SIGLEC9: variants seen among roughly 807,000 people sequenced by gnomAD.
The protein encoded by SIGLEC9 is sialic acid-binding Ig-like lectin 9.
SIGLEC9 carries 26 observed loss-of-function variants against 38.3 expected under a neutral mutation model. The ratio of observed to expected loss-of-function variants is 0.68; its 90% CI spans 0.50 to 0.94. The LOEUF (loss-of-function observed/expected upper bound fraction) is 0.94, where lower values mean the gene tolerates loss of function less well. Ranked by LOEUF, SIGLEC9 falls within the 40% of genes least tolerant of loss-of-function variation. The pLI is 0.00. For synonymous variants in SIGLEC9, 236 were observed against 248.0 expected (o/e 0.95, Z 0.45); for missense variants, 556 against 585.7 (o/e 0.95, Z 0.52).
In SIGLEC9 at chr19:51,127,102, T is replaced by C; in HGVS notation, c.821T>C (p.Val274Ala). 2 of 1,614,232 alleles carry C rather than the reference T, an allele frequency of 1.2e-6. No homozygotes were observed. Among genetic ancestry groups the C allele is most frequent in the Non-Finnish European group, 8.5e-7 (1 of 1,180,036 alleles). Residue 274 changes from valine to alanine, a missense_variant, in exon 4 of 7, where the codon GTT (valine) becomes GCT (alanine). Coordinates refer to ENST00000250360, the MANE Select transcript of SIGLEC9 (RefSeq NM_014441.3). ...EGQSLRLVCA[V>A]DAVDSNPPAR... ...CAGTCTCTGCGCCTGGTCTGTGCAGTTGATGCAGTTGACAGCAATCCCCCT... is the reference window on the plus strand; with the variant it reads ...CAGTCTCTGCGCCTGGTCTGTGCAGCTGATGCAGTTGACAGCAATCCCCCT...
rs1051277757 is a variant in SIGLEC9 at position 51,125,529 on chromosome 19, C to G, written c.422-68C>G. The stretch of plus-strand genomic sequence containing the variant: ...GCTCAGGGCAGGAGCTGGACCAGAG[C>G]CTGAGCTCCCCCCAGGGCTGCACCA... On this transcript the variant is annotated intron_variant, in intron 1 of 6. Coordinates refer to ENST00000250360, the MANE Select transcript of SIGLEC9 (RefSeq NM_014441.3). 6 of 1,580,372 alleles carry G rather than the reference C, an allele frequency of 3.8e-6. No homozygotes were observed. The African/African-American group carries it at 8.2e-5, about 21-fold the overall frequency.
downstream of SIGLEC9, among the ~76,000 whole-genome samples, chr19:51,130,723 C>CT (rs1397235090): frequency 6.6e-6 from 1 of 152,212 alleles, no homozygotes; most frequent in Non-Finnish European, 1.5e-5. Flanking sequence ...TCTCTCCGCA[C>CT]TGCTCACAGC....
Position 51,127,938 on chromosome 19 carries a change from T to C in SIGLEC9, c.1016-11T>C, listed in dbSNP as rs368574216. ...TGATATATCACAAAAATAACTCCCA[T>C]CTGTCAACAGGCAAAGCCACATCAG... On this transcript the variant is annotated splice_polypyrimidine_tract_variant and intron_variant, in intron 4 of 6. Coordinates refer to ENST00000250360, the MANE Select transcript of SIGLEC9 (RefSeq NM_014441.3). 318 of 1,589,494 alleles carry C rather than the reference T, an allele frequency of 2.0e-4. No individual in the cohort carries two copies. In the African/African-American group the frequency reaches 3.8e-3, roughly 19 times the overall value.
At chr19:51,131,859 T>G (rs2092017207), downstream of SIGLEC9, among the ~76,000 whole-genome samples, 1 of 149,900 alleles carries the variant, frequency 6.7e-6, no homozygotes, top group Non-Finnish European at 1.5e-5. Context: ...GAGGTTGCAG[T>G]GAGCTGAGAT....
At chr19:51,131,865 G>A (rs2092017268), downstream of SIGLEC9, among the ~76,000 whole-genome samples, 1 of 151,382 alleles carries the variant, frequency 6.6e-6, no homozygotes, top group Non-Finnish European at 1.5e-5. Flanking sequence ...GCAGTGAGCT[G>A]AGATTGTGCC....
upstream of SIGLEC9, among the ~76,000 whole-genome samples, chr19:51,123,550 G>C (rs753184385): frequency 4.6e-5 from 7 of 152,200 alleles, no homozygotes; most frequent in African/African-American, 1.7e-4. Flanking sequence ...AGGTATTCAC[G>C]GCAACGTGCA....
intron 6 of SIGLEC9, chr19:51,128,765 T>A (rs1201561977): frequency 1.4e-5 from 6 of 431,356 alleles, no homozygotes; most frequent in African/African-American, 1.0e-4. Context: ...TGTCTGCCTG[T>A]CTCCTCTCCT....
chr19:51,123,154 C>T (rs934592764), upstream of SIGLEC9, among the ~76,000 whole-genome samples: 1 of 152,178 alleles, frequency 6.6e-6, no homozygotes, highest in Non-Finnish European at 1.5e-5. Flanking sequence ...GGGGGCCATC[C>T]TGGGCACTGG....
chr19:51,129,260 G>A (rs1599819823), intron 6 of SIGLEC9, among the ~76,000 whole-genome samples: 1 of 151,590 alleles, frequency 6.6e-6, no homozygotes, highest in South Asian at 2.1e-4. Flanking sequence ...CCGGGTTCAA[G>A]CCATTCTCCT....
chr19:51,134,147 CTTTTTTTTT>C (rs71185802), downstream of SIGLEC9, among the ~76,000 whole-genome samples: 7 of 66,520 alleles, frequency 1.1e-4, no homozygotes, highest in South Asian at 7.8e-4. Flanking sequence ...TCTTTCTTTT[CTTTTTTTTT>C]TTTTTTTTTT....
chr19:51,133,418 CAAA>C (rs57292401), downstream of SIGLEC9, among the ~76,000 whole-genome samples: 126 of 132,176 alleles, frequency 9.5e-4, no homozygotes, highest in African/African-American at 1.5e-3. Flanking sequence ...ACCAAAAATA[CAAA>C]AAAAAAAAAA....
Position 51,127,193 on chromosome 19 carries a change from G to T in SIGLEC9, c.912G>T (p.Val304=). The change falls in exon 4 of 7, where the codon GTG becomes GTT. Residue 304 remains valine, a synonymous_variant. Transcript: ENST00000250360. ...LCPSQPSNPG[V]LELPWVHLRD... is the part of the protein sequence containing the mutation. ...CCTCACAGCCCTCAAACCCGGGGGT[G>T]CTGGAGCTGCCTTGGGTGCACCTGA... The T allele has an allele frequency of 1.2e-6, 2 of 1,614,220 alleles. No individual in the cohort carries two copies. Among genetic ancestry groups the T allele is most frequent in the South Asian group, 1.1e-5 (1 of 91,088 alleles).
Position 51,125,873 on chromosome 19 carries a change from C to G in SIGLEC9, c.698C>G (p.Ser233Cys). 6.2e-7 allele frequency: 1 copy of G among 1,614,134 alleles called. No individual in the cohort carries two copies. Among genetic ancestry groups the G allele is most frequent in the East Asian group, 2.2e-5 (1 of 44,874 alleles). ...TTNKTVHLNV[S>C]YPPQNLTMTV... ...AACAAGACCGTCCATCTCAACGTGT[C>G]CTGTGAGTGCTGGGCCGGGACGCCT... Residue 233 changes from serine to cysteine, a missense_variant and splice_region_variant, in exon 2 of 7, where the codon TCC becomes TGC. Ser to Cys is a moderately radical substitution (Grantham distance 112). Transcript: ENST00000250360.
rs1382748226 is a variant in SIGLEC9, at chr19:51,127,255, C to T, written c.974C>T (p.Pro325Leu). The T allele has an allele frequency of 2.5e-6, 4 of 1,613,858 alleles. No individual in the cohort carries two copies. The African/African-American group carries it at 5.3e-5, about 22-fold the overall frequency. The change falls in exon 4 of 7, where the codon CCT (proline) becomes CTT (leucine). Residue 325 changes from proline to leucine, a missense_variant. Pro to Leu is a moderately conservative substitution (Grantham distance 98). Coordinates refer to ENST00000250360, the MANE Select transcript of SIGLEC9 (RefSeq NM_014441.3). ...GAATTCACCTGCAGAGCTCAGAACC[C>T]TCTCGGCTCTCAGCAGGTCTACCTG... ...AAEFTCRAQN[P>L]LGSQQVYLNV...
At chr19:51,123,287 G>A (rs2091954912), upstream of SIGLEC9, among the ~76,000 whole-genome samples, 3 of 152,284 alleles carry the variant, frequency 2.0e-5, no homozygotes, top group African/African-American at 4.8e-5. Flanking sequence ...GTCCTGTCCC[G>A]CCTGAGTTAG....
chr19:51,128,083 G>A, intron 5 of SIGLEC9, 44 bp downstream of exon 5: 1 of 1,491,036 alleles, frequency 6.7e-7, no homozygotes. Context: ...AGCCCTGGGG[G>A]AGGACAGGCT....
Position 51,125,764 on chromosome 19 carries a change from G to A in SIGLEC9, c.589G>A (p.Val197Met). 1.2e-6 allele frequency: 2 copies of A among 1,613,978 alleles called. No individual in the cohort carries two copies. The highest frequency in any genetic ancestry group is 2.2e-5 in the East Asian group (1 of 44,854). The change falls in exon 2 of 7, where the codon GTG (valine) becomes ATG (methionine). Residue 197 changes from valine (V) to methionine (M), a missense_variant. Physicochemically the swap from Val to Met is conservative, Grantham distance 21. Transcript: ENST00000250360. The stretch of plus-strand genomic sequence containing the variant: ...GGACCCCTCCACCACCCGCTCCTCG[G>A]TGCTCACCCTCATCCCACAGCCCCA... ...PLDPSTTRSS[V>M]LTLIPQPQDH... is the part of the protein sequence containing the mutation.
At chr19:51,127,444 C>T in intron 4 of SIGLEC9, 148 bp downstream of exon 4, 1 of 863,992 alleles carries the variant, frequency 1.2e-6, no homozygotes. Context: ...GGACCCACAG[C>T]ACCACTGTCC....
At chr19:51,126,695 T>G (rs567490950) in intron 3 of SIGLEC9, among the ~76,000 whole-genome samples, 6 of 152,182 alleles carry the variant, frequency 3.9e-5, no homozygotes, top group Non-Finnish European at 8.8e-5. Context: ...TTTTGTGGCA[T>G]CTCCTAATGG....
Sources: allele counts gnomAD v4.1 joint callset (sites outside exome capture counted in the v4.1 genomes callset), GRCh38; gene constraint gnomAD v4.1.1; transcripts MANE v1.5; gene names NCBI Gene and HGNC (gene_info 2026-07-23, HGNC 2026-07-21).